Variants in THNSL2 observed in about 807,000 individuals in gnomAD.
THNSL2 encodes the protein threonine synthase like 2, also known as threonine synthase-like 2.
THNSL2 carries 34 observed loss-of-function variants against 40.0 expected under a neutral mutation model. That is an observed-to-expected ratio of 0.85 (90% confidence interval 0.65 to 1.13). THNSL2 has a LOEUF of 1.13. THNSL2 is among the 50% of genes most tolerant of loss of function. The pLI, the probability that THNSL2 is intolerant of heterozygous loss-of-function variation, is 0.00. For synonymous variants in THNSL2, 241 were observed against 247.5 expected (o/e 0.97, Z 0.25); for missense variants, 537 against 608.8 (o/e 0.88, Z 1.24).
chr2:88,177,552 C>T (rs903028568), intron 4 of THNSL2, among the ~76,000 whole-genome samples: 2 of 152,180 alleles, frequency 1.3e-5, no homozygotes, highest in African/African-American at 4.8e-5. Flanking sequence ...TATTTTCCAG[C>T]TTCCGTAACT....
intron 5 of THNSL2, among the ~76,000 whole-genome samples, chr2:88,181,460 TCCTCTCTCTCC>T (rs1218701920): frequency 4.2e-4 from 4 of 9,544 alleles, no homozygotes; most frequent in African/African-American, 6.8e-4. Context: ...CCTCTCTCTC[TCCTCTCTCTCC>T]CCTCTCTCTC....
Position 88,170,401 on chromosome 2 carries a change from T to TGCGCACCGGGCCTC in THNSL2, c.-63_-50dup, listed in dbSNP as rs1553460719. ...ACATTCGCAGCCCGGGCAGCCCTGCTGCGCACCGGGCCTCGCGCCCCGCGC... is the reference window on the plus strand; with the variant it reads ...ACATTCGCAGCCCGGGCAGCCCTGCTGCGCACCGGGCCTCGCGCACCGGGCCTCGCGCCCCGCGC... On this transcript the variant is annotated 5_prime_UTR_variant, in exon 1 of 9. Transcript: ENST00000674334. The TGCGCACCGGGCCTC allele has an allele frequency of 4.5e-3, 623 of 139,016 alleles. 3 individuals are homozygous for TGCGCACCGGGCCTC. The highest frequency in any genetic ancestry group is 8.1e-3 in the African/African-American group (292 of 36,052). 8.6% of individuals were successfully genotyped at this position (139,016 alleles called of 1,614,324 possible). A position where few individuals can be genotyped will look rare whatever the true frequency, so the allele number is the denominator to read the frequency against.
Position 88,185,489 on chromosome 2 carries a change from A to G in THNSL2, c.1229+10A>G, listed in dbSNP as rs745781033. The stretch of plus-strand genomic sequence containing the variant: ...ACAGGCAGCAGCCCAGGTACAGGCA[A>G]TGGGGGCCTGGGCCACTGAGGGACC... On this transcript the variant is annotated intron_variant, in intron 8 of 8. Coordinates refer to ENST00000674334, the MANE Select transcript of THNSL2 (RefSeq NM_018271.5). 2.5e-6 allele frequency: 4 copies of G among 1,599,852 alleles called. No homozygotes were observed. Among genetic ancestry groups the G allele is most frequent in the South Asian group, 1.1e-5 (1 of 89,028 alleles).
intron 4 of THNSL2, chr2:88,176,177 A>T (rs147314675): frequency 2.0e-5 from 3 of 152,362 alleles, no homozygotes; most frequent in Non-Finnish European, 2.9e-5. Context: ...TGCACTGGTT[A>T]TCTGGTCTAA....
At chr2:88,185,543 C>T (rs1678191330) in intron 8 of THNSL2, 64 bp downstream of exon 8, 2 of 1,555,898 alleles carry the variant, frequency 1.3e-6, no homozygotes, top group Non-Finnish European at 1.7e-6. Flanking sequence ...CTCTTCTTCT[C>T]CAAGCAGTGG....
At chr2:88,171,899 C>T (rs759427632) in intron 1 of THNSL2, 4 of 152,470 alleles carry the variant, frequency 2.6e-5, no homozygotes, top group Non-Finnish European at 5.9e-5. Context: ...AAGTGAGATA[C>T]ACTTAATATT....
intron 7 of THNSL2, among the ~76,000 whole-genome samples, chr2:88,184,401 A>G (rs951058538): frequency 6.6e-6 from 1 of 152,198 alleles, no homozygotes; most frequent in Non-Finnish European, 1.5e-5. Flanking sequence ...GGTGCTAGAA[A>G]CACAAAGACA....
rs1294257464 is a variant in THNSL2 at position 88,173,413 on chromosome 2, G to T, written c.223+40G>T. ...CTGTACTTTCACTCTTCCAGCCCCT[G>T]CCAGCTCAGTCTACAGAATTGTAAA... On this transcript the variant is annotated intron_variant, in intron 2 of 8. Coordinates refer to ENST00000674334, the MANE Select transcript of THNSL2 (RefSeq NM_018271.5). 8 of 1,479,460 alleles carry T rather than the reference G, an allele frequency of 5.4e-6. No individual in the cohort carries two copies. In the South Asian group the frequency reaches 9.1e-5, roughly 17 times the overall value. 91.6% of individuals were successfully genotyped at this position (1,479,460 alleles called of 1,614,324 possible).
rs1391141256 is a variant in THNSL2 at position 88,186,151 on chromosome 2, T to G, written c.*28T>G. On this transcript the variant is annotated 3_prime_UTR_variant, in exon 9 of 9. Transcript: ENST00000674334. ...TGGCTGGAGGTGGCTTTCTTTAGGC[T>G]TCAGATCCCAGGAAGATGCACCTTC... 1 of 1,547,880 alleles carries G rather than the reference T, an allele frequency of 6.5e-7. No homozygotes were observed. The highest frequency in any genetic ancestry group is 2.0e-5 in the Admixed American group (1 of 50,990).
At chr2:88,183,097 A>C in intron 7 of THNSL2, 24 bp downstream of exon 7, 1 of 1,606,530 alleles carries the variant, frequency 6.2e-7, no homozygotes, top group Admixed American at 1.7e-5. Context: ...CACACACCAC[A>C]GAGAAAGGAA....
intron 7 of THNSL2, 134 bp downstream of exon 7, chr2:88,183,207 C>A: frequency 8.3e-7 from 1 of 1,201,806 alleles, no homozygotes; most frequent in Non-Finnish European, 1.1e-6. Context: ...ACTTTTACGG[C>A]CACTTTACAT....
chr2:88,179,030 G>A lies in THNSL2; in HGVS notation c.802+17G>A. On this transcript the variant is annotated intron_variant, in intron 5 of 8. Coordinates refer to ENST00000674334, the MANE Select transcript of THNSL2 (RefSeq NM_018271.5). ...ACCTTGCAGGTAAGGAATCCCCGGG[G>A]CACAAATGGGCTTTCCAGAAAAATG... is the stretch of plus-strand genomic sequence containing the variant. The A allele has an allele frequency of 1.9e-6, 3 of 1,612,376 alleles. No homozygotes were observed. Among genetic ancestry groups the A allele is most frequent in the Non-Finnish European group, 1.7e-6 (2 of 1,178,552 alleles).
Position 88,178,906 on chromosome 2 carries a change from T to C in THNSL2, c.695T>C (p.Met232Thr). The C allele has an allele frequency of 6.2e-7, 1 of 1,614,220 alleles. No individual in the cohort carries two copies. Among genetic ancestry groups the C allele is most frequent in the Non-Finnish European group, 8.5e-7 (1 of 1,180,044 alleles). Residue 232 changes from methionine (M) to threonine (T), a missense_variant, in exon 5 of 9, where the codon ATG becomes ACG. Coordinates refer to ENST00000674334, the MANE Select transcript of THNSL2 (RefSeq NM_018271.5). The part of the protein sequence containing the change: ...SINWSRVLVQ[M>T]AHHFFAYFQC... ...AACTGGTCCCGGGTCCTGGTGCAGA[T>C]GGCCCATCACTTCTTTGCTTACTTC...
In THNSL2 at chr2:88,174,748, A is replaced by G; in HGVS notation, c.333A>G (p.Ala111=). Residue 111 remains alanine, a synonymous_variant, in exon 3 of 9, where the codon GCA becomes GCG. Coordinates refer to ENST00000674334, the MANE Select transcript of THNSL2 (RefSeq NM_018271.5). ...VLELWHGVTY[A]FKDLSLSCTT... is the part of the protein sequence containing the mutation. ...AGCTGTGGCATGGCGTCACATATGC[A>G]TTTAAGGACCTGTCCCTGTCCTGCA... The G allele has an allele frequency of 6.2e-7, 1 of 1,614,192 alleles. No individual in the cohort carries two copies. The highest frequency in any genetic ancestry group is 1.1e-5 in the South Asian group (1 of 91,088).
rs1039692373 is a variant in THNSL2, at chr2:88,175,390, A to T, written c.560A>T (p.His187Leu). The change falls in exon 4 of 9, where the codon CAT becomes CTT. Residue 187 changes from histidine (H) to leucine (L), a missense_variant. By Grantham distance (99) the His-to-Leu change is moderately conservative. Coordinates refer to ENST00000674334, the MANE Select transcript of THNSL2 (RefSeq NM_018271.5). ...ACAACGGTGCTGAAGCAGAACGTAC[A>T]TGTGTTTGGAGGTGTGTGCTGAGGC... ...QMTTVLKQNV[H>L]VFGVEGNSDE... 3 of 1,614,018 alleles carry T rather than the reference A, an allele frequency of 1.9e-6. No homozygotes were observed. The African/African-American group carries it at 4.0e-5, about 22-fold the overall frequency.
At chr2:88,181,471 C>T (rs375581986) in intron 5 of THNSL2, among the ~76,000 whole-genome samples, 15 of 13,274 alleles carry the variant, frequency 1.1e-3, no homozygotes, top group South Asian at 9.3e-3. Flanking sequence ...CCTCTCTCTC[C>T]CCTCTCTCTC....
In THNSL2 at chr2:88,174,772, C is replaced by T; in HGVS notation, c.357C>T (p.Cys119=). ...TYAFKDLSLS[C]TTQFLQYFLE... ...CATTTAAGGACCTGTCCCTGTCCTGCACAACACAGTTCCTGCAGTACTTCC... is the reference window on the plus strand; with the variant it reads ...CATTTAAGGACCTGTCCCTGTCCTGTACAACACAGTTCCTGCAGTACTTCC... Residue 119 remains cysteine (C), a synonymous_variant, in exon 3 of 9, where the codon TGC becomes TGT. Coordinates refer to ENST00000674334, the MANE Select transcript of THNSL2 (RefSeq NM_018271.5). The T allele has an allele frequency of 1.2e-6, 2 of 1,614,186 alleles. No homozygotes were observed. Among genetic ancestry groups the T allele is most frequent in the South Asian group, 2.2e-5 (2 of 91,082 alleles).
At chr2:88,177,459 C>T (rs1003870471) in intron 4 of THNSL2, among the ~76,000 whole-genome samples, 1 of 152,198 alleles carries the variant, frequency 6.6e-6, no homozygotes, top group Non-Finnish European at 1.5e-5. Context: ...GAATAATCAG[C>T]AAGTGCTAGG....
At chr2:88,177,590 A>G (rs1007544301) in intron 4 of THNSL2, among the ~76,000 whole-genome samples, 8 of 152,136 alleles carry the variant, frequency 5.3e-5, no homozygotes, top group Admixed American at 3.3e-4. Flanking sequence ...GTGGGCTTCC[A>G]GTTGTTTGAT....
Sources: allele counts gnomAD v4.1 joint callset (sites outside exome capture counted in the v4.1 genomes callset), GRCh38; gene constraint gnomAD v4.1.1; transcripts MANE v1.5; gene names NCBI Gene and HGNC (gene_info 2026-07-23, HGNC 2026-07-21).